USP10: variants seen among roughly 807,000 people sequenced by gnomAD.
USP10 encodes the protein ubiquitin carboxyl-terminal hydrolase 10.
Under a neutral mutation model 84.5 loss-of-function variants are expected in USP10, and 22 were observed. The observed-to-expected ratio is 0.26, with a 90% CI of 0.19 to 0.37. USP10 has a LOEUF of 0.37. Ranked by LOEUF, USP10 falls within the 10% of genes least tolerant of loss-of-function variation. The probability of loss-of-function intolerance (pLI) is 1.00; values close to 1 mark genes in which losing one functional copy is unlikely to be tolerated. For missense variants in USP10, 1,019 were observed against 998.9 expected, an observed-to-expected ratio of 1.02 and a Z score of -0.27; for synonymous variants, 454 against 387.6, an observed-to-expected ratio of 1.17 and a Z score of -2.01.
chr16:84,741,605 G>C (rs1304323673), intron 3 of USP10, among the ~76,000 whole-genome samples: 1 of 152,176 alleles, frequency 6.6e-6, no homozygotes, highest in African/African-American at 2.4e-5. Context: ...CAGCCTGCCT[G>C]CCCTTTTCAG....
Position 84,759,922 on chromosome 16 carries a change from C to T in USP10, c.1426C>T (p.Pro476Ser), listed in dbSNP as rs765568254. ...GCTAATGAATGAGTTCACTAATATG[C>T]CAGTACCTCCAAAACCCCGACAAGG... ...VRLMNEFTNM[P>S]VPPKPRQALG... Residue 476 changes from proline to serine, a missense_variant, in exon 7 of 14, where the codon CCA becomes TCA. Transcript: ENST00000219473. 3.7e-6 allele frequency: 6 copies of T among 1,613,836 alleles called. No homozygotes were observed. The East Asian group carries it at 8.9e-5, about 24-fold the overall frequency.
intron 1 of USP10, chr16:84,733,016 T>A: frequency 2.3e-6 from 1 of 436,310 alleles, no homozygotes; most frequent in Non-Finnish European, 4.5e-6. Flanking sequence ...GATTTCCTTG[T>A]CTTCCCATTT....
At chr16:84,732,125 T>G (rs1305103033) in intron 1 of USP10, among the ~76,000 whole-genome samples, 2 of 152,246 alleles carry the variant, frequency 1.3e-5, no homozygotes, top group African/African-American at 2.4e-5. Context: ...CAGAAACGTT[T>G]TCCCTGTGCA....
At chr16:84,715,965 C>T (rs1906961034) in intron 1 of USP10, among the ~76,000 whole-genome samples, 1 of 152,152 alleles carries the variant, frequency 6.6e-6, no homozygotes, top group African/African-American at 2.4e-5. Flanking sequence ...GAGTGTGCAT[C>T]CCAGAATTTT....
At chr16:84,701,590 C>T (rs1038442342) in intron 1 of USP10, among the ~76,000 whole-genome samples, 2 of 152,076 alleles carry the variant, frequency 1.3e-5, no homozygotes, top group African/African-American at 4.8e-5. Flanking sequence ...TGTAATATTC[C>T]TTGTGATTTT....
chr16:84,775,809 A>G lies in USP10; in HGVS notation c.2209+584A>G, dbSNP rs114306977. 5.0e-3 allele frequency among the ~76,000 whole-genome samples: 759 copies of G among 152,278 alleles called. 4 individuals carry two copies. The highest frequency in any genetic ancestry group is 0.018 in the African/African-American group (733 of 41,566). On this transcript the variant is annotated intron_variant, in intron 13 of 13. Transcript: ENST00000219473. ...CTGTCTCCTGGCTTAGGCTCCCTGC[A>G]GTATCATTTTTTCTGCCACATCATC...
chr16:84,711,532 T>C (rs568641987), intron 1 of USP10, among the ~76,000 whole-genome samples: 2 of 152,300 alleles, frequency 1.3e-5, no homozygotes, highest in Non-Finnish European at 2.9e-5. Flanking sequence ...GCTCATGGAT[T>C]CGTCAGGTGA....
At chr16:84,728,565 G>A (rs1434240235) in intron 1 of USP10, among the ~76,000 whole-genome samples, 2 of 152,026 alleles carry the variant, frequency 1.3e-5, no homozygotes, top group Non-Finnish European at 2.9e-5. Flanking sequence ...TCCTGACCTC[G>A]TGATCCGCCT....
intron 1 of USP10, chr16:84,704,710 TG>T: frequency 6.7e-7 from 1 of 1,491,114 alleles, no homozygotes; most frequent in Non-Finnish European, 8.9e-7. Flanking sequence ...AGATTTTTTC[TG>T]AACTGGCTAT....
intron 3 of USP10, among the ~76,000 whole-genome samples, chr16:84,741,849 C>G (rs373943821): frequency 1.3e-5 from 2 of 152,206 alleles, no homozygotes; most frequent in African/African-American, 4.8e-5. Context: ...GCCTCTCTTT[C>G]CAGCCTGCTC....
At chr16:84,733,141 A>G (rs1455776799) in intron 1 of USP10, 1 of 501,682 alleles carries the variant, frequency 2.0e-6, no homozygotes, top group Non-Finnish European at 3.9e-6. Context: ...GTGAACCAAT[A>G]AAAATCTCCT....
Position 84,706,542 on chromosome 16 carries a change from A to T in USP10, c.21+6431A>T, listed in dbSNP as rs146869757. 1.1e-3 allele frequency among the ~76,000 whole-genome samples: 156 copies of T among 147,546 alleles called. 1 individual carries two copies. In the East Asian group the frequency reaches 0.023, roughly 22 times the overall value. On this transcript the variant is annotated intron_variant, in intron 1 of 13. Transcript: ENST00000219473. ...TATTTTTATATTTATATATATTTTTATATATATATATTTTTTGAGACGAAG... is the reference window on the plus strand; with the variant it reads ...TATTTTTATATTTATATATATTTTTTTATATATATATTTTTTGAGACGAAG...
chr16:84,714,559 G>A (rs1193454636), intron 1 of USP10, among the ~76,000 whole-genome samples: 2 of 151,574 alleles, frequency 1.3e-5, no homozygotes, highest in African/African-American at 4.9e-5. Context: ...TAGATCTCAA[G>A]AGCCTTAACT....
At chr16:84,775,452 C>T (rs1264165300) in intron 13 of USP10, among the ~76,000 whole-genome samples, 3 of 152,216 alleles carry the variant, frequency 2.0e-5, no homozygotes, top group East Asian at 1.9e-4. Flanking sequence ...TTGCTCAAAG[C>T]GAACATTTCT....
chr16:84,708,118 C>G (rs116706181), intron 1 of USP10, among the ~76,000 whole-genome samples: 1,629 of 151,696 alleles, frequency 0.011, 26 homozygotes, highest in African/African-American at 0.037. Flanking sequence ...GACTTCCACC[C>G]CCTTAGTAGT....
intron 2 of USP10, among the ~76,000 whole-genome samples, chr16:84,739,257 G>GTT (rs199663831): frequency 2.7e-4 from 38 of 141,652 alleles, no homozygotes; most frequent in Middle Eastern, 3.5e-3. Flanking sequence ...GACAGGGTTT[G>GTT]TTTTTTTTTT....
In USP10 at chr16:84,713,755, G is replaced by A. The variant is rs533586031; in HGVS notation, c.21+13644G>A. ...GAGAGACCATCACAGGAGAGTCCCC[G>A]GGGACACCTTGGCTCATGTTTGTGA... On this transcript the variant is annotated intron_variant, in intron 1 of 13. Coordinates refer to ENST00000219473, the MANE Select transcript of USP10 (RefSeq NM_005153.3). Among the ~76,000 whole-genome samples, 4 of 152,220 alleles carry A rather than the reference G, an allele frequency of 2.6e-5. No individual in the cohort carries two copies. The East Asian group carries it at 5.8e-4, about 22-fold the overall frequency.
intron 1 of USP10, among the ~76,000 whole-genome samples, chr16:84,712,575 T>G (rs1906455543): frequency 6.6e-6 from 1 of 152,180 alleles, no homozygotes; most frequent in Admixed American, 6.5e-5. Flanking sequence ...CTATAATAGT[T>G]CTAGGCATGA....
intron 3 of USP10, among the ~76,000 whole-genome samples, chr16:84,740,577 A>T (rs1404843359): frequency 2.0e-5 from 3 of 152,272 alleles, no homozygotes; most frequent in African/African-American, 4.8e-5. Context: ...AGTGCCAGCC[A>T]TGTAAGATTT....
Sources: allele counts gnomAD v4.1 joint callset (sites outside exome capture counted in the v4.1 genomes callset), GRCh38; gene constraint gnomAD v4.1.1; transcripts MANE v1.5; gene names NCBI Gene and HGNC (gene_info 2026-07-23, HGNC 2026-07-21).